Variants in PLXNA4 observed in about 807,000 individuals in gnomAD.
PLXNA4 encodes the protein plexin A4, also known as plexin-A4.
In PLXNA4, 44 loss-of-function variants were observed where a neutral mutation model predicts 191.8. The observed-to-expected ratio is 0.23, with a 90% CI of 0.18 to 0.29. PLXNA4 has a LOEUF of 0.29. PLXNA4 is among the 10% of genes least tolerant of loss of function. PLXNA4 has a pLI of 1.00. For synonymous variants in PLXNA4, 1,082 were observed against 1,009.5 expected, an observed-to-expected ratio of 1.07 and a Z score of -1.36; for missense variants, 1,800 against 2,488.8, an observed-to-expected ratio of 0.72 and a Z score of 5.89.
At chr7:132,497,707 G>C (rs935690111) in intron 2 of PLXNA4, among the ~76,000 whole-genome samples, 1 of 152,060 alleles carries the variant, frequency 6.6e-6, no homozygotes, top group Non-Finnish European at 1.5e-5. Context: ...CAGGACCCAC[G>C]CTGGCCCTAT....
chr7:132,383,018 G>C (rs1472873003), intron 3 of PLXNA4, among the ~76,000 whole-genome samples: 1 of 152,114 alleles, frequency 6.6e-6, no homozygotes, highest in Non-Finnish European at 1.5e-5. Flanking sequence ...TACTTCTTCT[G>C]TATCATCTTT....
In PLXNA4 at chr7:132,512,168, C is replaced by T. The variant is rs368449869; in HGVS notation, c.-86-3389G>A. On this transcript the variant is annotated intron_variant, in intron 1 of 31. Transcript: ENST00000321063. The stretch of plus-strand genomic sequence containing the variant: ...AATCCCCCTTCCAGACAGGCAGGTG[C>T]AGGTCGGGGCTCCGCCACCAACTTT... Among the ~76,000 whole-genome samples, 113 of 152,342 alleles carry T rather than the reference C, an allele frequency of 7.4e-4. 1 individual carries two copies. Among genetic ancestry groups the T allele is most frequent in the East Asian group, 4.4e-3 (23 of 5,182 alleles).
Position 132,507,851 on chromosome 7 carries a change from C to A in PLXNA4, c.843G>T (p.Val281=). The change falls in exon 2 of 32, where the codon GTG becomes GTT. Residue 281 remains valine, a synonymous_variant. Transcript: ENST00000321063. ...AGGCTGTGTCCTCCTTGCAAAGCCT[C>A]ACGAGCTTGGATGTATACACCTGCT... The part of the protein sequence containing the change: ...TKEQVYTSKL[V]RLCKEDTAFN... The A allele has an allele frequency of 6.2e-7, 1 of 1,614,132 alleles. No homozygotes were observed. The highest frequency in any genetic ancestry group is 8.5e-7 in the Non-Finnish European group (1 of 1,180,010).
chr7:132,128,948 G>C lies in PLXNA4; in HGVS notation c.*1531C>G, dbSNP rs1794852861. On this transcript the variant is annotated 3_prime_UTR_variant, in exon 32 of 32. Transcript: ENST00000321063. ...CACCTAAGGTCTCCTTAGGATGAAA[G>C]GTTCCTAGAACCCTCCATTAGACCA... 2 of 152,202 alleles carry C rather than the reference G, an allele frequency of 1.3e-5. No homozygotes were observed. Among genetic ancestry groups the C allele is most frequent in the African/African-American group, 4.8e-5 (2 of 41,434 alleles). The allele number at this position is 152,202 out of a possible 1,614,324, so 9.4% of individuals were successfully genotyped here.
chr7:132,447,742 C>G (rs925419954), intron 3 of PLXNA4, among the ~76,000 whole-genome samples: 1 of 151,926 alleles, frequency 6.6e-6, no homozygotes, highest in Non-Finnish European at 1.5e-5. Flanking sequence ...AATGCCAACA[C>G]TTTGGGAGGC....
intron 4 of PLXNA4, among the ~76,000 whole-genome samples, chr7:132,289,477 G>A (rs573446051): frequency 5.9e-5 from 9 of 152,166 alleles, no homozygotes; most frequent in African/African-American, 1.9e-4. Context: ...CTTGACTGGT[G>A]CTTGGCACAT....
intron 19 of PLXNA4, among the ~76,000 whole-genome samples, chr7:132,180,279 A>G (rs1237345819): frequency 1.3e-5 from 2 of 152,130 alleles, no homozygotes; most frequent in Non-Finnish European, 1.5e-5. Context: ...TGATATTAAG[A>G]TATTACGGAA....
At chr7:132,179,131 TCACACACGTGCGTGCTCACA>T (rs1357481229) in intron 20 of PLXNA4, among the ~76,000 whole-genome samples, 15 of 51,674 alleles carry the variant, frequency 2.9e-4, no homozygotes, top group Non-Finnish European at 4.5e-4. Flanking sequence ...ACGTGCGTGC[TCACACACGTGCGTGCTCACA>T]CACACACACA....
intron 3 of PLXNA4, among the ~76,000 whole-genome samples, chr7:132,364,123 C>G (rs1464157852): frequency 6.6e-6 from 1 of 152,228 alleles, no homozygotes; most frequent in Admixed American, 6.5e-5. Context: ...GCTCAGATGC[C>G]ACCCTCCAGA....
chr7:132,588,430 A>G (rs1044588595), intron 2 of PLXNA4, among the ~76,000 whole-genome samples: 11 of 151,936 alleles, frequency 7.2e-5, no homozygotes, highest in Non-Finnish European at 1.6e-4. Context: ...GCCATTCCCA[A>G]TTATGCTTCC....
intron 4 of PLXNA4, among the ~76,000 whole-genome samples, chr7:132,293,910 G>A (rs541855357): frequency 2.6e-5 from 4 of 152,296 alleles, no homozygotes; most frequent in African/African-American, 9.6e-5. Context: ...CAGCTCTCTT[G>A]AGCCCAGATC....
intron 20 of PLXNA4, among the ~76,000 whole-genome samples, chr7:132,177,646 G>T (rs1235291689): frequency 1.3e-5 from 2 of 152,206 alleles, no homozygotes; most frequent in Non-Finnish European, 2.9e-5. Context: ...GAGGGTGTTG[G>T]CTTTTTATCA....
chr7:132,421,744 TTTCCAGGG>T (rs1794858837), intron 3 of PLXNA4, among the ~76,000 whole-genome samples: 1 of 152,196 alleles, frequency 6.6e-6, no homozygotes, highest in South Asian at 2.1e-4. Context: ...TTAATAATGT[TTTCCAGGG>T]TCACAGTCTG....
intron 3 of PLXNA4, among the ~76,000 whole-genome samples, chr7:132,331,190 A>T (rs1217252518): frequency 6.6e-6 from 1 of 152,238 alleles, no homozygotes; most frequent in Non-Finnish European, 1.5e-5. Flanking sequence ...CAGAAGAGCA[A>T]TCAGGAGGCA....
At chr7:132,489,175 T>G in intron 3 of PLXNA4, 117 bp downstream of exon 3, 1 of 1,098,572 alleles carries the variant, frequency 9.1e-7, no homozygotes, top group Non-Finnish European at 1.3e-6. Context: ...TCTCCTTAGC[T>G]CAAATCTGTA....
intron 3 of PLXNA4, among the ~76,000 whole-genome samples, chr7:132,478,738 T>A (rs936261970): frequency 6.6e-6 from 1 of 152,174 alleles, no homozygotes; most frequent in African/African-American, 2.4e-5. Flanking sequence ...AAGTTTTGGA[T>A]GCAATGATGA....
At chr7:132,354,746 G>A (rs1201104091) in intron 3 of PLXNA4, among the ~76,000 whole-genome samples, 7 of 152,186 alleles carry the variant, frequency 4.6e-5, no homozygotes, top group African/African-American at 1.4e-4. Flanking sequence ...CAACCAGCAC[G>A]TACAGATGTG....
At chr7:132,325,180 T>G (rs963784361) in intron 3 of PLXNA4, among the ~76,000 whole-genome samples, 3 of 152,234 alleles carry the variant, frequency 2.0e-5, no homozygotes, top group African/African-American at 7.2e-5. Flanking sequence ...ACCACCCAAC[T>G]GTTCAAGTGG....
intron 3 of PLXNA4, among the ~76,000 whole-genome samples, chr7:132,325,234 G>A (rs1052824167): frequency 1.1e-4 from 17 of 152,320 alleles, no homozygotes; most frequent in Non-Finnish European, 1.8e-4. Flanking sequence ...GGGTGTGAAC[G>A]AGGTTGCCTC....
Sources: gnomAD v4.1 joint callset for allele counts (sites outside exome capture counted in the v4.1 genomes callset) on GRCh38, gnomAD v4.1.1 for gene constraint, MANE v1.5 for transcripts, NCBI Gene and HGNC (gene_info 2026-07-23, HGNC 2026-07-21) for gene names.